Variants in DENND2B observed in about 807,000 individuals in gnomAD.
The protein encoded by DENND2B is DENN domain containing 2B.
Under a neutral mutation model 116.0 loss-of-function variants are expected in DENND2B, and 32 were observed. The ratio of observed to expected loss-of-function variants is 0.28; its 90% CI spans 0.21 to 0.37. The LOEUF is 0.37. Among genes scored for constraint, DENND2B ranks in the 10% least tolerant of loss-of-function variants. DENND2B has a pLI of 1.00. For missense variants in DENND2B, 1,276 were observed against 1,477.7 expected (o/e 0.86, Z 2.24); for synonymous variants, 588 against 583.9 (o/e 1.01, Z -0.10).
Position 8,719,639 on chromosome 11 carries a change from G to C in DENND2B, c.1478-1747C>G, listed in dbSNP as rs934108448. Among the ~76,000 whole-genome samples the C allele has an allele frequency of 4.6e-5, 7 of 152,308 alleles. No individual in the cohort carries two copies. In the South Asian group the frequency reaches 1.2e-3, roughly 27 times the overall value. ...TTTTCTCCAGCCTACCCCACTGTGG[G>C]GCACTTAGGGAGGTGTTGGGGATGG... On this transcript the variant is annotated intron_variant, in intron 4 of 19. Coordinates refer to ENST00000313726, the MANE Select transcript of DENND2B (RefSeq NM_213618.2).
chr11:8,772,249 G>A (rs934319223), intron 1 of DENND2B, among the ~76,000 whole-genome samples: 1 of 151,984 alleles, frequency 6.6e-6, no homozygotes, highest in Admixed American at 6.6e-5. Context: ...TAATAGTAGG[G>A]TTAATAGTAA....
At chr11:8,904,729 A>G (rs541991034) in intron 1 of DENND2B, among the ~76,000 whole-genome samples, 125 of 152,334 alleles carry the variant, frequency 8.2e-4, no homozygotes, top group African/African-American at 3.0e-3. Flanking sequence ...TACAGGATAC[A>G]ATATCAATAT....
chr11:8,846,747 T>C (rs2062828349), intron 3 of DENND2B, among the ~76,000 whole-genome samples: 1 of 152,210 alleles, frequency 6.6e-6, no homozygotes. Flanking sequence ...TCAGTTCTTC[T>C]ACCTCTAAAC....
At chr11:8,743,728 G>A (rs1014842154) in intron 2 of DENND2B, among the ~76,000 whole-genome samples, 7 of 151,480 alleles carry the variant, frequency 4.6e-5, no homozygotes, top group African/African-American at 1.7e-4. Context: ...AATCCAAATC[G>A]AAGTGGAGAG....
At chr11:8,775,897 T>C (rs1435755742) in intron 1 of DENND2B, among the ~76,000 whole-genome samples, 1 of 152,134 alleles carries the variant, frequency 6.6e-6, no homozygotes. Flanking sequence ...CCTTTATTCT[T>C]CTACCTCCAG....
intron 2 of DENND2B, among the ~76,000 whole-genome samples, chr11:8,742,285 T>C (rs1458390284): frequency 6.6e-6 from 1 of 152,092 alleles, no homozygotes; most frequent in Admixed American, 6.6e-5. Context: ...TCCTAATCCA[T>C]GGAGTCTGGG....
chr11:8,901,409 T>C lies in DENND2B; in HGVS notation c.-256+9412A>G, dbSNP rs529733815. Among the ~76,000 whole-genome samples the C allele has an allele frequency of 1.1e-4, 17 of 151,724 alleles. No homozygotes were observed. In the South Asian group the frequency reaches 1.3e-3, roughly 11 times the overall value. On this transcript the variant is annotated intron_variant, in intron 1 of 22. Transcript: ENST00000534127. Reference sequence around the variant, plus strand: ...CACATCTGGCTAATTTTTGTATTTTTAGTAGAGACGGGGTTTCACCATGTT... The same window carrying C: ...CACATCTGGCTAATTTTTGTATTTTCAGTAGAGACGGGGTTTCACCATGTT...
intron 1 of DENND2B, among the ~76,000 whole-genome samples, chr11:8,772,795 G>T (rs1408468583): frequency 6.6e-6 from 1 of 152,116 alleles, no homozygotes; most frequent in East Asian, 1.9e-4. Flanking sequence ...ACTGCCTGGG[G>T]GTGGCAGGCA....
Position 8,693,897 on chromosome 11 carries a change from C to CA in DENND2B, c.*198dup, listed in dbSNP as rs1414166046. ...TTTGCCATATTCTCTTTGCTTGTTA[C>CA]AAAAAACAGTTAAGAAAGCTTACAG... On this transcript the variant is annotated 3_prime_UTR_variant, in exon 20 of 20. Transcript: ENST00000313726. The CA allele has an allele frequency of 1.5e-5, 8 of 539,606 alleles. No individual in the cohort carries two copies. Among genetic ancestry groups the CA allele is most frequent in the Non-Finnish European group, 1.9e-5 (6 of 308,730 alleles). 33.4% of individuals were successfully genotyped at this position (539,606 alleles called of 1,614,324 possible). A position where few individuals can be genotyped will look rare whatever the true frequency, so the allele number is the denominator to read the frequency against.
At chr11:8,794,278 C>A (rs12224436) in intron 1 of DENND2B, among the ~76,000 whole-genome samples, 55,555 of 152,066 alleles carry the variant, frequency 0.37, 11,546 homozygotes, top group Non-Finnish European at 0.45. Flanking sequence ...AGTCCCCACT[C>A]TGCCACCCTG....
At chr11:8,865,054 TAA>T (rs1397202327) in intron 2 of DENND2B, among the ~76,000 whole-genome samples, 1 of 152,182 alleles carries the variant, frequency 6.6e-6, no homozygotes, top group Non-Finnish European at 1.5e-5. Flanking sequence ...CTTTTATCAT[TAA>T]GAGTCCCATA....
chr11:8,857,102 C>T (rs61876208), intron 3 of DENND2B, among the ~76,000 whole-genome samples: 1 of 152,282 alleles, frequency 6.6e-6, no homozygotes, highest in Non-Finnish European at 1.5e-5. Flanking sequence ...CCCTCCTGTC[C>T]TAACCTGGCC....
At chr11:8,729,877 T>C in intron 3 of DENND2B, 73 bp downstream of exon 3, 1 of 1,546,282 alleles carries the variant, frequency 6.5e-7, no homozygotes, top group Non-Finnish European at 8.7e-7. Flanking sequence ...CATCCTACAA[T>C]CTGTGTTTGC....
At chr11:8,890,497 A>G (rs1237990428) in intron 1 of DENND2B, among the ~76,000 whole-genome samples, 1 of 152,236 alleles carries the variant, frequency 6.6e-6, no homozygotes, top group African/African-American at 2.4e-5. Context: ...CCTTGAAAAA[A>G]GATTAGACGA....
chr11:8,826,569 G>A (rs534822929), intron 4 of DENND2B, among the ~76,000 whole-genome samples: 2 of 152,252 alleles, frequency 1.3e-5, no homozygotes, highest in South Asian at 2.1e-4. Context: ...AAGGATCTGG[G>A]GAGAGAGAAG....
intron 3 of DENND2B, among the ~76,000 whole-genome samples, chr11:8,840,356 T>C (rs1411615497): frequency 6.6e-6 from 1 of 152,084 alleles, no homozygotes; most frequent in Non-Finnish European, 1.5e-5. Flanking sequence ...GAAGCTAAGA[T>C]TCTGCTGCTT....
At chr11:8,817,242 T>C (rs896988377) in intron 4 of DENND2B, among the ~76,000 whole-genome samples, 2 of 152,158 alleles carry the variant, frequency 1.3e-5, no homozygotes, top group African/African-American at 2.4e-5. Flanking sequence ...GAAGACAATC[T>C]GTCTACTGCA....
chr11:8,869,667 A>T (rs1412336682), intron 2 of DENND2B, among the ~76,000 whole-genome samples: 1 of 151,982 alleles, frequency 6.6e-6, no homozygotes, highest in Admixed American at 6.5e-5. Context: ...AAAAAAAAAA[A>T]GAAAAAAATT....
chr11:8,885,869 A>G (rs546638056), intron 1 of DENND2B, among the ~76,000 whole-genome samples: 1 of 152,288 alleles, frequency 6.6e-6, no homozygotes, highest in Non-Finnish European at 1.5e-5. Flanking sequence ...GTTCAGCTAT[A>G]ATTACATTGA....
Sources: gnomAD v4.1 joint callset for allele counts (sites outside exome capture counted in the v4.1 genomes callset) on GRCh38, gnomAD v4.1.1 for gene constraint, MANE v1.5 for transcripts, NCBI Gene and HGNC (gene_info 2026-07-23, HGNC 2026-07-21) for gene names.